Variants in DYRK1A observed in about 807,000 individuals in gnomAD.
The protein encoded by DYRK1A is dual specificity tyrosine phosphorylation regulated kinase 1A, also known as dual specificity tyrosine-phosphorylation-regulated kinase 1A.
Under a neutral mutation model 79.7 loss-of-function variants are expected in DYRK1A, and 9 were observed. The observed-to-expected ratio is 0.11, with a 90% CI of 0.07 to 0.20. The LOEUF (loss-of-function observed/expected upper bound fraction) is 0.20, where lower values mean the gene tolerates loss of function less well. Ranked by LOEUF, DYRK1A falls within the 10% of genes least tolerant of loss-of-function variation. DYRK1A has a pLI of 1.00. For synonymous variants in DYRK1A, 349 were observed against 329.7 expected, an observed-to-expected ratio of 1.06 and a Z score of -0.63; for missense variants, 622 against 956.0, an observed-to-expected ratio of 0.65 and a Z score of 4.61.
At chr21:37,489,838 AAATG>A (rs2053016540) in intron 6 of DYRK1A, among the ~76,000 whole-genome samples, 1 of 152,158 alleles carries the variant, frequency 6.6e-6, no homozygotes, top group African/African-American at 2.4e-5. Flanking sequence ...TTTCTTTTAT[AAATG>A]AAGATAAAAT....
intron 1 of DYRK1A, among the ~76,000 whole-genome samples, chr21:37,385,192 G>A (rs1292611518): frequency 6.6e-6 from 1 of 152,148 alleles, no homozygotes; most frequent in Non-Finnish European, 1.5e-5. Context: ...CTTGCTAAAT[G>A]ACAATATCAC....
chr21:37,397,103 T>G (rs1418612936), intron 1 of DYRK1A, among the ~76,000 whole-genome samples: 6 of 152,114 alleles, frequency 3.9e-5, no homozygotes, highest in African/African-American at 1.4e-4. Context: ...GGCCCAGAAG[T>G]GGCACTTGTT....
At chr21:37,479,603 T>C (rs1314262054) in intron 4 of DYRK1A, among the ~76,000 whole-genome samples, 6 of 72,876 alleles carry the variant, frequency 8.2e-5, no homozygotes, top group Non-Finnish European at 1.3e-4. Flanking sequence ...TGTTTTTGTT[T>C]TTGTTTTTGT....
chr21:37,414,793 A>G lies in DYRK1A; in HGVS notation c.-76-5506A>G, dbSNP rs142377480. Among the ~76,000 whole-genome samples the G allele has an allele frequency of 2.5e-3, 378 of 152,296 alleles. 2 individuals carry two copies. Among genetic ancestry groups the G allele is most frequent in the African/African-American group, 7.8e-3 (323 of 41,556 alleles). ...TGAGAATTCATTTTTGAGAATATCT[A>G]TTCACAAGAGAATAGATAAACAGTT... On this transcript the variant is annotated intron_variant, in intron 1 of 11. Coordinates refer to ENST00000647188, the MANE Select transcript of DYRK1A (RefSeq NM_001347721.2).
chr21:37,430,689 T>C (rs1345639072), intron 2 of DYRK1A, among the ~76,000 whole-genome samples: 1 of 152,224 alleles, frequency 6.6e-6, no homozygotes, highest in Non-Finnish European at 1.5e-5. Context: ...CTTGCCAGGT[T>C]GAGGAGGCCT....
rs1024170504 is a variant in DYRK1A at position 37,366,966 on chromosome 21, C to A, written c.-739C>A. ...CAGGTCGGCCTCAGAGAGCGGACAC[C>A]CCGAGCGGGGGGTGCGGGCGCCGCC... On this transcript the variant is annotated 5_prime_UTR_variant, in exon 1 of 12. Coordinates refer to ENST00000647188, the MANE Select transcript of DYRK1A (RefSeq NM_001347721.2). The A allele has an allele frequency of 1.3e-5, 2 of 159,022 alleles. No individual in the cohort carries two copies. The highest frequency in any genetic ancestry group is 1.4e-4 in the South Asian group (1 of 7,150). The allele number at this position is 159,022 out of a possible 1,614,324, so 9.9% of individuals were successfully genotyped here. A position where few individuals can be genotyped will look rare whatever the true frequency, so the allele number is the denominator to read the frequency against.
At position 37,490,239 on chromosome 21, in the gene DYRK1A, C is replaced by T. The variant is rs1049783; in HGVS notation, c.702C>T (p.Tyr234=). ...GTTTAGTTTTTGAAATGCTGTCCTA[C>T]AACCTCTATGACTTGCTGAGAAACA... The part of the protein sequence containing the change: ...HLCLVFEMLS[Y]NLYDLLRNTN... The change falls in exon 7 of 12, where the codon TAC becomes TAT. Residue 234 remains tyrosine (Y), a synonymous_variant. Transcript: ENST00000647188. 1 of 1,613,818 alleles carries T rather than the reference C, an allele frequency of 6.2e-7. No homozygotes were observed.
chr21:37,478,456 T>C (rs1437414792), intron 4 of DYRK1A, among the ~76,000 whole-genome samples, 156 bp downstream of exon 4: 3 of 152,254 alleles, frequency 2.0e-5, no homozygotes, highest in African/African-American at 7.2e-5. Context: ...ATTACAATTA[T>C]GTAAAAGATA....
intron 4 of DYRK1A, among the ~76,000 whole-genome samples, chr21:37,479,502 C>G (rs541368899): frequency 6.8e-6 from 1 of 147,050 alleles, no homozygotes; most frequent in East Asian, 2.0e-4. Context: ...TTTATAATTT[C>G]GCCAAAGTTA....
intron 1 of DYRK1A, among the ~76,000 whole-genome samples, chr21:37,407,033 T>C (rs1051416546): frequency 6.6e-6 from 1 of 151,890 alleles, no homozygotes; most frequent in African/African-American, 2.4e-5. Flanking sequence ...AAAGGTTTGC[T>C]GTTTTTTCTT....
intron 1 of DYRK1A, among the ~76,000 whole-genome samples, chr21:37,382,006 T>G (rs1341271308): frequency 6.6e-6 from 1 of 152,154 alleles, no homozygotes; most frequent in Non-Finnish European, 1.5e-5. Context: ...GAATGAGCTT[T>G]CTTAAAGCTT....
At chr21:37,447,557 T>A (rs964950133) in intron 2 of DYRK1A, among the ~76,000 whole-genome samples, 2 of 152,148 alleles carry the variant, frequency 1.3e-5, no homozygotes, top group Non-Finnish European at 2.9e-5. Flanking sequence ...GAGTTTTGAT[T>A]AATTGCAACA....
chr21:37,452,757 GTTTTTTTTTT>G (rs35209884), intron 2 of DYRK1A, among the ~76,000 whole-genome samples: 1 of 96,548 alleles, frequency 1.0e-5, no homozygotes, highest in East Asian at 3.2e-4. Flanking sequence ...TCACACTCCC[GTTTTTTTTTT>G]TTTTTTTTTT....
At chr21:37,475,240 C>T (rs1195101144) in intron 3 of DYRK1A, among the ~76,000 whole-genome samples, 1 of 152,196 alleles carries the variant, frequency 6.6e-6, no homozygotes, top group African/African-American at 2.4e-5. Flanking sequence ...TATTAGGTTA[C>T]TTGCCTTGCA....
At chr21:37,403,697 G>A (rs933100407) in intron 1 of DYRK1A, among the ~76,000 whole-genome samples, 4 of 142,876 alleles carry the variant, frequency 2.8e-5, no homozygotes, top group African/African-American at 1.1e-4. Flanking sequence ...GTGTGTGTGT[G>A]TGTTCACCAG....
rs1219912790 is a variant in DYRK1A at position 37,480,496 on chromosome 21, A to G, written c.301-142A>G. 1.2e-5 allele frequency: 7 copies of G among 576,288 alleles called. 1 individual carries two copies. The East Asian group carries it at 2.3e-4, about 19-fold the overall frequency. 35.7% of individuals were successfully genotyped at this position (576,288 alleles called of 1,614,324 possible). A position where few individuals can be genotyped will look rare whatever the true frequency, so the allele number is the denominator to read the frequency against. ...TAACTATAATGAATTTCACTGTATA[A>G]ATTTTTTCATTGGTTAGATCAGTAT... On this transcript the variant is annotated intron_variant, in intron 4 of 11. Transcript: ENST00000647188.
intron 4 of DYRK1A, among the ~76,000 whole-genome samples, chr21:37,479,619 GTTTTTT>G (rs565080496): frequency 0.056 from 4,104 of 73,922 alleles, 329 homozygotes; most frequent in African/African-American, 0.2. Context: ...TTTGTTTTTT[GTTTTTT>G]TTTTTTTTTT....
At chr21:37,476,801 G>GTA (rs2052407911) in intron 3 of DYRK1A, among the ~76,000 whole-genome samples, 2 of 135,436 alleles carry the variant, frequency 1.5e-5, no homozygotes, top group Non-Finnish European at 3.1e-5. Flanking sequence ...CAGACAAATA[G>GTA]TATAATCACC....
At chr21:37,486,889 T>G (rs1569371592) in intron 6 of DYRK1A, 1 of 238,258 alleles carries the variant, frequency 4.2e-6, no homozygotes, top group Admixed American at 5.6e-5. Context: ...ACCATTTGTT[T>G]GCTAATAATG....
Sources: gnomAD v4.1 joint callset for allele counts (sites outside exome capture counted in the v4.1 genomes callset) on GRCh38, gnomAD v4.1.1 for gene constraint, MANE v1.5 for transcripts, NCBI Gene and HGNC (gene_info 2026-07-23, HGNC 2026-07-21) for gene names.